KIF1A: variants seen among roughly 807,000 people sequenced by gnomAD.
The protein encoded by KIF1A is kinesin-like protein KIF1A.
KIF1A carries 46 observed loss-of-function variants against 227.3 expected under a neutral mutation model. The ratio of observed to expected loss-of-function variants is 0.20; its 90% CI spans 0.16 to 0.26. The LOEUF (loss-of-function observed/expected upper bound fraction) is 0.26. Ranked by LOEUF, KIF1A falls within the 10% of genes least tolerant of loss-of-function variation. The probability of loss-of-function intolerance (pLI) is 1.00; values close to 1 mark genes in which losing one functional copy is unlikely to be tolerated. For synonymous variants in KIF1A, 1,022 were observed against 1,012.8 expected (o/e 1.01, Z -0.17); for missense variants, 1,683 against 2,485.9 (o/e 0.68, Z 6.87).
chr2:240,791,260 G>A (rs1021364189), intron 2 of KIF1A, among the ~76,000 whole-genome samples: 1 of 152,132 alleles, frequency 6.6e-6, no homozygotes, highest in African/African-American at 2.4e-5. Context: ...ACCCTAGCAC[G>A]ATCAACCAGC....
intron 1 of KIF1A, among the ~76,000 whole-genome samples, chr2:240,813,944 G>C (rs1388024172): frequency 6.6e-6 from 1 of 152,142 alleles, no homozygotes; most frequent in Non-Finnish European, 1.5e-5. Flanking sequence ...TTCAAAACAA[G>C]GGCAGAATGC....
intron 10 of KIF1A, chr2:240,781,736 TCCCACACAGTTC>T (rs543782207): frequency 2.8e-4 from 274 of 983,882 alleles, no homozygotes; most frequent in South Asian, 1.9e-3. Context: ...CCTCTCCCGT[TCCCACACAGTTC>T]CCCACACAGT....
rs76974316 is a variant in KIF1A, at chr2:240,720,970, G to T, written c.4812C>A (p.Thr1604=). ...CCAGAGAGGGGCAAGTGGAGGAGGG[G>T]GTGAGAGTGGCCACCCCTAGAGGGG... ...SMSPLGVATL[T]PSSTCPSLVE... Residue 1604 remains threonine (T), a synonymous_variant, in exon 45 of 49, where the codon ACC becomes ACA. Coordinates refer to ENST00000498729, the MANE Select transcript of KIF1A (RefSeq NM_001244008.2). The T allele has an allele frequency of 2.6e-3, 4,130 of 1,605,664 alleles. 38 individuals carry two copies. The highest frequency in any genetic ancestry group is 0.023 in the African/African-American group (1,750 of 74,958).
intron 20 of KIF1A, among the ~76,000 whole-genome samples, chr2:240,764,508 G>A (rs958808042): frequency 5.9e-5 from 9 of 152,140 alleles, no homozygotes; most frequent in African/African-American, 1.9e-4. Context: ...CAGGACTCCT[G>A]AGTCCCGAAG....
chr2:240,781,742 A>ACAG (rs2054052947), intron 10 of KIF1A: 1 of 984,048 alleles, frequency 1.0e-6, no homozygotes, highest in African/African-American at 1.8e-5. Context: ...CCGTTCCCAC[A>ACAG]CAGTTCCCCA....
intron 17 of KIF1A, among the ~76,000 whole-genome samples, chr2:240,768,639 C>T (rs1055657902): frequency 6.6e-6 from 1 of 152,158 alleles, no homozygotes; most frequent in Non-Finnish European, 1.5e-5. Flanking sequence ...GAAGCAGCTG[C>T]CCAGGGGTTC....
intron 10 of KIF1A, among the ~76,000 whole-genome samples, chr2:240,777,530 C>T (rs2052915372): frequency 6.6e-6 from 1 of 152,154 alleles, no homozygotes; most frequent in Non-Finnish European, 1.5e-5. Context: ...CCAGGACCAC[C>T]CCGCTCTCCC....
chr2:240,759,690 C>A (rs1368433532), intron 25 of KIF1A, among the ~76,000 whole-genome samples: 1 of 152,192 alleles, frequency 6.6e-6, no homozygotes, highest in African/African-American at 2.4e-5. Context: ...GCTGACCTCA[C>A]ATGGTGACTC....
chr2:240,724,731 C>T (rs577276108), intron 40 of KIF1A: 120 of 161,648 alleles, frequency 7.4e-4, no homozygotes, highest in Admixed American at 1.7e-3. Flanking sequence ...CACGCAAGCA[C>T]GGCTGGTCCT....
At chr2:240,797,255 CAG>C (rs1183088992) in intron 2 of KIF1A, among the ~76,000 whole-genome samples, 15 of 152,216 alleles carry the variant, frequency 9.9e-5, no homozygotes, top group Non-Finnish European at 8.8e-5. Flanking sequence ...CACATGAAAG[CAG>C]AGACACAGAC....
chr2:240,797,720 C>T lies in KIF1A; in HGVS notation c.33G>A (p.Arg11=), dbSNP rs765920658. The T allele has an allele frequency of 2.5e-6, 4 of 1,611,958 alleles. No individual in the cohort carries two copies. Among genetic ancestry groups the T allele is most frequent in the Non-Finnish European group, 3.4e-6 (4 of 1,179,560 alleles). Residue 11 remains arginine, a synonymous_variant, in exon 2 of 49, where the codon CGG becomes CGA. Coordinates refer to ENST00000498729, the MANE Select transcript of KIF1A (RefSeq NM_001244008.2). ...TTTCCCGGGAATTGAAGGGGCGGAC[C>T]CGCACCGCCACCTTCACCGAAGCCC... is the stretch of plus-strand genomic sequence containing the variant. MAGASVKVAV[R]VRPFNSREMS... is the part of the protein sequence containing the mutation.
In KIF1A at chr2:240,740,393, G is replaced by T. The variant is rs189458613; in HGVS notation, c.3750-29C>A. The stretch of plus-strand genomic sequence containing the variant: ...GAAGAGAGAGACACATGTGAGGAGC[G>T]GCCAGCCCCTCCTCTCTGCCCTCCC... On this transcript the variant is annotated intron_variant, in intron 35 of 48. Transcript: ENST00000498729. This position sits in a 1 kb window ranked among gnomAD's most constrained non-coding sequence, Gnocchi z 6.1. 4.4e-6 allele frequency: 7 copies of T among 1,593,844 alleles called. No homozygotes were observed. The African/African-American group carries it at 5.4e-5, about 12-fold the overall frequency.
chr2:240,772,625 G>A, intron 13 of KIF1A, 29 bp from the exon 14 acceptor site: 3 of 1,518,314 alleles, frequency 2.0e-6, no homozygotes, highest in Non-Finnish European at 2.7e-6. Flanking sequence ...TGGGGGAGGG[G>A]GAGAGACAGA....
rs898456037 is a variant in KIF1A at position 240,740,978 on chromosome 2, C to T, written c.3749+291G>A. Among the ~76,000 whole-genome samples, 3 of 152,116 alleles carry T rather than the reference C, an allele frequency of 2.0e-5. No homozygotes were observed. Among genetic ancestry groups the T allele is most frequent in the Non-Finnish European group, 4.4e-5 (3 of 68,022 alleles). ...GTGCTGTCTGCCTCCCTGCCCTGCC[C>T]CTGAGCCATACCCTGGTTTGCTGTC... On this transcript the variant is annotated intron_variant, in intron 35 of 48. Transcript: ENST00000498729. This position sits in a 1 kb window ranked among gnomAD's most constrained non-coding sequence, Gnocchi z 6.1.
At chr2:240,797,589 G>A (rs2056542605) in intron 2 of KIF1A, 58 bp downstream of exon 2, 1 of 1,235,160 alleles carries the variant, frequency 8.1e-7, no homozygotes, top group African/African-American at 1.5e-5. Context: ...CATAGGCACA[G>A]GACCATGGCC....
intron 17 of KIF1A, among the ~76,000 whole-genome samples, chr2:240,768,815 C>T (rs996694658): frequency 2.0e-5 from 3 of 152,218 alleles, no homozygotes; most frequent in Admixed American, 6.5e-5. Flanking sequence ...CCAGGCCCCT[C>T]GTGTCTCAGT....
At chr2:240,727,782 A>T (rs2046199475) in intron 38 of KIF1A, among the ~76,000 whole-genome samples, 1 of 152,132 alleles carries the variant, frequency 6.6e-6, no homozygotes, top group African/African-American at 2.4e-5. Context: ...CGTTCCGCAA[A>T]CACCTTGGGT....
At chr2:240,763,138 A>C in intron 21 of KIF1A, 28 bp downstream of exon 21, 1 of 1,604,298 alleles carries the variant, frequency 6.2e-7, no homozygotes, top group East Asian at 2.2e-5. Flanking sequence ...GAGGGGCAGC[A>C]GGCAGTTGGG....
At chr2:240,815,843 C>T (rs10210004) in intron 1 of KIF1A, among the ~76,000 whole-genome samples, 2,019 of 152,242 alleles carry the variant, frequency 0.013, 30 homozygotes, top group African/African-American at 0.045. Flanking sequence ...AATGGGAACA[C>T]CACCACCTGG....
Sources: allele counts gnomAD v4.1 joint callset (sites outside exome capture counted in the v4.1 genomes callset), GRCh38; gene constraint gnomAD v4.1.1; non-coding constraint Gnocchi (gnomAD v3.1); transcripts MANE v1.5; gene names NCBI Gene and HGNC (gene_info 2026-07-23, HGNC 2026-07-21).